The following EGLN1 variants were observed in gnomAD, a reference collection of about 807,000 sequenced individuals.
EGLN1 encodes the protein egl-9 family hypoxia inducible factor 1.
EGLN1 carries 17 observed loss-of-function variants against 38.3 expected under a neutral mutation model. That is an observed-to-expected ratio of 0.44 (90% CI 0.30 to 0.67). The LOEUF is 0.67. Ranked by LOEUF, EGLN1 falls within the 30% of genes least tolerant of loss-of-function variation. The pLI is 0.08. For missense variants in EGLN1, 477 were observed against 603.3 expected (o/e 0.79, Z 2.19); for synonymous variants, 283 against 257.5 (o/e 1.10, Z -0.95).
chr1:231,380,463 G>GGT (rs1553351044), intron 1 of EGLN1, among the ~76,000 whole-genome samples: 8 of 95,504 alleles, frequency 8.4e-5, no homozygotes, highest in Non-Finnish European at 1.9e-4. Context: ...GTAAATGATA[G>GGT]GTATATATAT....
At chr1:231,412,624 G>T (rs1166948003) in intron 1 of EGLN1, among the ~76,000 whole-genome samples, 3 of 152,182 alleles carry the variant, frequency 2.0e-5, no homozygotes, top group Non-Finnish European at 4.4e-5. Context: ...GCTGATACAA[G>T]CATACTGCAC....
In EGLN1 at chr1:231,416,415, TTACA is replaced by T. The variant is rs1425715959; in HGVS notation, c.891+4579_891+4582del. On this transcript the variant is annotated intron_variant, in intron 1 of 4. Coordinates refer to ENST00000366641, the MANE Select transcript of EGLN1 (RefSeq NM_022051.3). ...TATTAGGTAGTAGATAAGTAAAGAGTTACATACATACAAAAAAAAAATTTTTTTT... is the reference window on the plus strand; with the variant it reads ...TATTAGGTAGTAGATAAGTAAAGAGTTACATACAAAAAAAAAATTTTTTTT... Among the ~76,000 whole-genome samples, 13 of 151,424 alleles carry T rather than the reference TTACA, an allele frequency of 8.6e-5. No homozygotes were observed. In the South Asian group the frequency reaches 1.7e-3, roughly 19 times the overall value.
At chr1:231,392,542 A>G (rs746732735) in intron 1 of EGLN1, among the ~76,000 whole-genome samples, 1 of 152,182 alleles carries the variant, frequency 6.6e-6, no homozygotes, top group Admixed American at 6.5e-5. Flanking sequence ...GTAAAATGTT[A>G]TGGTGGTAAT....
At chr1:231,367,239 G>A (rs1354596603) in intron 4 of EGLN1, among the ~76,000 whole-genome samples, 2 of 152,156 alleles carry the variant, frequency 1.3e-5, no homozygotes, top group East Asian at 1.9e-4. Flanking sequence ...AATTTAAGGA[G>A]TGAATGAGAG....
intron 1 of EGLN1, among the ~76,000 whole-genome samples, chr1:231,376,923 GC>G (rs1340574670): frequency 6.6e-6 from 1 of 152,176 alleles, no homozygotes; most frequent in Admixed American, 6.5e-5. Flanking sequence ...CTGGAACACA[GC>G]GAGCACGGGC....
intron 1 of EGLN1, among the ~76,000 whole-genome samples, chr1:231,405,940 T>G (rs540817): frequency 6.7e-6 from 1 of 149,158 alleles, no homozygotes; most frequent in Non-Finnish European, 1.5e-5. Flanking sequence ...AAAACTAGTA[T>G]GAATTCTAGT....
rs75794657 is a variant in EGLN1, at chr1:231,406,048, T to A, written c.891+14950A>T. 6.6e-3 allele frequency among the ~76,000 whole-genome samples: 907 copies of A among 137,650 alleles called. 4 individuals are homozygous for A. The highest frequency in any genetic ancestry group is 9.5e-3 in the Non-Finnish European group (609 of 64,324). 90.3% of individuals were successfully genotyped at this position (137,650 alleles called of 152,430 possible). ...CTAAGGCTTTTTTTTTTTTTTTTTT[T>A]AATTCAGGTAGGCTGAGGCAGGAGA... On this transcript the variant is annotated intron_variant, in intron 1 of 4. Transcript: ENST00000366641.
At chr1:231,420,384 CAA>C (rs1279813537) in intron 1 of EGLN1, 2 of 155,406 alleles carry the variant, frequency 1.3e-5, no homozygotes, top group African/African-American at 4.8e-5. Context: ...TAACGGGTTT[CAA>C]AACAGTAGGA....
intron 1 of EGLN1, among the ~76,000 whole-genome samples, chr1:231,398,309 G>A (rs750402308): frequency 8.6e-5 from 13 of 150,680 alleles, no homozygotes; most frequent in Non-Finnish European, 1.6e-4. Flanking sequence ...ATGGCCTGTG[G>A]GCCAAGTCTA....
intron 2 of EGLN1, among the ~76,000 whole-genome samples, chr1:231,371,092 G>T (rs1687810467): frequency 6.6e-6 from 1 of 152,198 alleles, no homozygotes; most frequent in African/African-American, 2.4e-5. Flanking sequence ...TTTTCACCAT[G>T]TTGGCCAGGC....
At chr1:231,415,851 C>CTT (rs34510216) in intron 1 of EGLN1, among the ~76,000 whole-genome samples, 81 of 145,482 alleles carry the variant, frequency 5.6e-4, no homozygotes, top group East Asian at 6.1e-4. Context: ...CATTATCTTT[C>CTT]TTTTTTTTTT....
At chr1:231,395,402 T>A (rs913296982) in intron 1 of EGLN1, among the ~76,000 whole-genome samples, 5 of 110,996 alleles carry the variant, frequency 4.5e-5, no homozygotes, top group Non-Finnish European at 1.1e-4. Flanking sequence ...TTGCCTCCGT[T>A]AAGCAGTAAG....
chr1:231,383,241 G>A (rs968694925), intron 1 of EGLN1, among the ~76,000 whole-genome samples: 3 of 151,944 alleles, frequency 2.0e-5, no homozygotes, highest in African/African-American at 4.8e-5. Context: ...TTAGAAGCTC[G>A]GTTCTGGGGG....
intron 1 of EGLN1, among the ~76,000 whole-genome samples, chr1:231,408,826 A>T (rs749100306): frequency 6.6e-6 from 1 of 152,108 alleles, no homozygotes; most frequent in Admixed American, 6.5e-5. Flanking sequence ...TGAGGGCAAG[A>T]AGCAAGTTAG....
intron 4 of EGLN1, 85 bp downstream of exon 4, chr1:231,367,484 A>T (rs1687681180): frequency 1.5e-6 from 2 of 1,341,754 alleles, no homozygotes; most frequent in South Asian, 2.3e-5. Context: ...GGTGTTAACA[A>T]AGACTATGCT....
chr1:231,397,196 G>C (rs1200685021), intron 1 of EGLN1, among the ~76,000 whole-genome samples: 1 of 152,160 alleles, frequency 6.6e-6, no homozygotes, highest in Non-Finnish European at 1.5e-5. Context: ...AGATCTAAGA[G>C]GTTCGCTACA....
chr1:231,368,029 A>G (rs1255194981), intron 3 of EGLN1, among the ~76,000 whole-genome samples: 1 of 150,634 alleles, frequency 6.6e-6, no homozygotes, highest in African/African-American at 2.4e-5. Context: ...TAAAAAAAAG[A>G]AAAAAAAAAT....
chr1:231,373,593 C>A (rs1405921178), intron 2 of EGLN1, among the ~76,000 whole-genome samples: 2 of 152,074 alleles, frequency 1.3e-5, no homozygotes, highest in African/African-American at 4.8e-5. Flanking sequence ...TATACGCACA[C>A]CCTCATGACA....
At chr1:231,399,186 A>T (rs1161194510) in intron 1 of EGLN1, among the ~76,000 whole-genome samples, 1 of 152,210 alleles carries the variant, frequency 6.6e-6, no homozygotes, top group Non-Finnish European at 1.5e-5. Flanking sequence ...AGACAGCAGG[A>T]GCAGCAGATC....
Sources: allele counts gnomAD v4.1 joint callset (sites outside exome capture counted in the v4.1 genomes callset), GRCh38; gene constraint gnomAD v4.1.1; transcripts MANE v1.5; gene names NCBI Gene and HGNC (gene_info 2026-07-23, HGNC 2026-07-21).